MYT1L: variants seen among roughly 807,000 people sequenced by gnomAD.
MYT1L encodes the protein myelin transcription factor 1 like.
Under a neutral mutation model 126.7 loss-of-function variants are expected in MYT1L, and 12 were observed. The observed-to-expected ratio is 0.09, with a 90% CI of 0.06 to 0.15. The LOEUF is 0.15. Ranked by LOEUF, MYT1L falls within the 10% of genes least tolerant of loss-of-function variation. MYT1L has a pLI of 1.00. For synonymous variants in MYT1L, 541 were observed against 604.2 expected, an observed-to-expected ratio of 0.90 and a Z score of 1.53; for missense variants, 979 against 1,585.2, an observed-to-expected ratio of 0.62 and a Z score of 6.49.
chr2:2,156,982 C>T (rs908365051), intron 3 of MYT1L, among the ~76,000 whole-genome samples: 2 of 152,202 alleles, frequency 1.3e-5, no homozygotes, highest in Middle Eastern at 3.2e-3. Flanking sequence ...GGGGGAAAAT[C>T]TCAAGATTTC....
At chr2:1,829,955 T>G (rs984978481) in intron 21 of MYT1L, among the ~76,000 whole-genome samples, 14 of 152,194 alleles carry the variant, frequency 9.2e-5, no homozygotes, top group Non-Finnish European at 2.9e-5. Flanking sequence ...TAAAATGTAT[T>G]GAGTCAATGG....
intron 21 of MYT1L, among the ~76,000 whole-genome samples, chr2:1,822,021 T>C (rs2038609934): frequency 6.6e-6 from 1 of 152,286 alleles, no homozygotes; most frequent in Admixed American, 6.5e-5. Context: ...CAACTCTGAA[T>C]CCCCACTCTA....
intron 4 of MYT1L, among the ~76,000 whole-genome samples, chr2:2,004,595 G>GTTCTTTCCTGCAGGCA: frequency 6.9e-6 from 1 of 145,542 alleles, no homozygotes; most frequent in South Asian, 2.2e-4. Flanking sequence ...TCCTGCATGC[G>GTTCTTTCCTGCAGGCA]TTCTTTCCTG....
At chr2:2,307,755 T>C (rs13391564) in intron 1 of MYT1L, among the ~76,000 whole-genome samples, 1 of 150,286 alleles carries the variant, frequency 6.7e-6, no homozygotes, top group African/African-American at 2.5e-5. Flanking sequence ...CAGTACTCTC[T>C]CTATATTCCA....
chr2:1,992,189 G>A (rs1043771749), intron 5 of MYT1L, among the ~76,000 whole-genome samples: 5 of 152,170 alleles, frequency 3.3e-5, no homozygotes, highest in African/African-American at 9.7e-5. Flanking sequence ...CTTGTGAGGT[G>A]GGGCCTCATG....
At chr2:2,291,587 C>A (rs996284479) in intron 1 of MYT1L, among the ~76,000 whole-genome samples, 1 of 152,252 alleles carries the variant, frequency 6.6e-6, no homozygotes, top group Non-Finnish European at 1.5e-5. Flanking sequence ...ATGGGACAAA[C>A]AAGAGGAAGC....
intron 18 of MYT1L, among the ~76,000 whole-genome samples, chr2:1,875,947 C>T (rs568728533): frequency 2.6e-5 from 4 of 152,252 alleles, no homozygotes; most frequent in South Asian, 2.1e-4. Flanking sequence ...ACAGGAAAAA[C>T]GCATTATTTA....
intron 17 of MYT1L, chr2:1,886,914 A>C: frequency 2.5e-6 from 1 of 400,668 alleles, no homozygotes; most frequent in Non-Finnish European, 4.4e-6. Flanking sequence ...ACAACACATA[A>C]ATTAGCATGC....
At chr2:1,986,209 A>C (rs982738852) in intron 5 of MYT1L, among the ~76,000 whole-genome samples, 7 of 152,244 alleles carry the variant, frequency 4.6e-5, no homozygotes, top group African/African-American at 1.7e-4. Context: ...GTTTTAAAAA[A>C]TTCTCACAAT....
At chr2:2,134,795 G>C (rs150393634) in intron 3 of MYT1L, among the ~76,000 whole-genome samples, 1 of 152,310 alleles carries the variant, frequency 6.6e-6, no homozygotes, top group Non-Finnish European at 1.5e-5. Context: ...AAGGAACTAA[G>C]ATGTATCTCT....
At chr2:2,127,983 G>T (rs914743399) in intron 3 of MYT1L, among the ~76,000 whole-genome samples, 3 of 152,152 alleles carry the variant, frequency 2.0e-5, no homozygotes, top group African/African-American at 4.8e-5. Flanking sequence ...TAACAGATTT[G>T]CTGTGATCAT....
chr2:2,298,114 T>A (rs1484317917), intron 1 of MYT1L, among the ~76,000 whole-genome samples: 2 of 152,168 alleles, frequency 1.3e-5, no homozygotes, highest in African/African-American at 4.8e-5. Context: ...TAAGCCTGGC[T>A]TTTATGAAGC....
At chr2:2,028,640 C>T (rs2065895410) in intron 4 of MYT1L, among the ~76,000 whole-genome samples, 1 of 152,094 alleles carries the variant, frequency 6.6e-6, no homozygotes, top group Admixed American at 6.5e-5. Context: ...ATGCTCTTGT[C>T]AGGAGTATGG....
At chr2:2,116,278 T>C (rs1234901807) in intron 3 of MYT1L, among the ~76,000 whole-genome samples, 2 of 152,224 alleles carry the variant, frequency 1.3e-5, no homozygotes, top group Non-Finnish European at 2.9e-5. Context: ...TGATTCCATG[T>C]TACGTTCTTG....
At chr2:2,125,936 A>G (rs2081626436) in intron 3 of MYT1L, among the ~76,000 whole-genome samples, 2 of 152,220 alleles carry the variant, frequency 1.3e-5, no homozygotes, top group Admixed American at 1.3e-4. Context: ...AAGTAAGAAC[A>G]GACGGCTTCT....
intron 3 of MYT1L, among the ~76,000 whole-genome samples, chr2:2,144,625 C>A (rs1264223742): frequency 6.6e-6 from 1 of 152,188 alleles, no homozygotes; most frequent in East Asian, 1.9e-4. Flanking sequence ...AGCTCCTTTG[C>A]ATCTTCCAGC....
chr2:1,887,255 C>T lies in MYT1L; in HGVS notation c.2642+233G>A, dbSNP rs947136670. On this transcript the variant is annotated intron_variant, in intron 17 of 24. Coordinates refer to ENST00000647738, the MANE Select transcript of MYT1L (RefSeq NM_001303052.2). The surrounding 1 kb of genome is among the most constrained non-coding windows in gnomAD (Gnocchi z 4.8). ...GGGATTTAAGCACCCTGAAGAAAAG[C>T]GGCAAAATGCACGGGTTAAATGAAA... 5 of 484,596 alleles carry T rather than the reference C, an allele frequency of 1.0e-5. No individual in the cohort carries two copies. The highest frequency in any genetic ancestry group is 4.8e-5 in the South Asian group (1 of 20,886). 30.0% of individuals were successfully genotyped at this position (484,596 alleles called of 1,614,324 possible). A position where few individuals can be genotyped will look rare whatever the true frequency, so the allele number is the denominator to read the frequency against.
chr2:2,309,539 A>G (rs2095920835), intron 1 of MYT1L, among the ~76,000 whole-genome samples: 1 of 151,398 alleles, frequency 6.6e-6, no homozygotes, highest in African/African-American at 2.4e-5. Context: ...ACACTTCATT[A>G]TACTCTACCT....
At chr2:2,232,656 G>A (rs1251586988) in intron 2 of MYT1L, among the ~76,000 whole-genome samples, 1 of 152,166 alleles carries the variant, frequency 6.6e-6, no homozygotes, top group Non-Finnish European at 1.5e-5. Flanking sequence ...ACGACTCCTC[G>A]GACAAAGGAC....
Sources: gnomAD v4.1 joint callset for allele counts (sites outside exome capture counted in the v4.1 genomes callset) on GRCh38, gnomAD v4.1.1 for gene constraint, Gnocchi (gnomAD v3.1) non-coding constraint, MANE v1.5 for transcripts, NCBI Gene and HGNC (gene_info 2026-07-23, HGNC 2026-07-21) for gene names.